Variants in RACGAP1 observed in about 807,000 individuals in gnomAD.
The protein encoded by RACGAP1 is Rac GTPase activating protein 1.
A neutral mutation model predicts 78.1 loss-of-function variants in RACGAP1; 30 were observed. The observed-to-expected ratio is 0.38, with a 90% CI of 0.29 to 0.52. RACGAP1 has a LOEUF of 0.52. Among genes scored for constraint, RACGAP1 ranks in the 20% least tolerant of loss-of-function variants. The pLI, the probability that RACGAP1 is intolerant of heterozygous loss-of-function variation, is 0.82. For synonymous variants in RACGAP1, 231 were observed against 264.8 expected (o/e 0.87, Z 1.24); for missense variants, 587 against 777.1 (o/e 0.76, Z 2.91).
chr12:50,012,158 G>T (rs1353661171), intron 2 of RACGAP1, among the ~76,000 whole-genome samples: 4 of 151,810 alleles, frequency 2.6e-5, no homozygotes, highest in Non-Finnish European at 5.9e-5. Flanking sequence ...TGAGCATGGT[G>T]GTTCACACCT....
chr12:50,018,979 C>T (rs1336583541), intron 1 of RACGAP1, among the ~76,000 whole-genome samples: 2 of 152,024 alleles, frequency 1.3e-5, no homozygotes, highest in African/African-American at 4.8e-5. Context: ...CACTGTTCTA[C>T]TCTTCCTGTT....
chr12:50,006,431 C>T lies in RACGAP1; in HGVS notation c.288+3G>A, dbSNP rs769232149. The stretch of plus-strand genomic sequence containing the variant: ...CTGTTCTAGCACGGAAAACAATACA[C>T]ACCAGCTTTTCGCAGTCAGCCTCAG... On this transcript the variant is annotated splice_donor_region_variant and intron_variant, in intron 3 of 16. Transcript: ENST00000312377. 2.5e-6 allele frequency: 4 copies of T among 1,614,052 alleles called. No individual in the cohort carries two copies. The Admixed American group carries it at 5.0e-5, about 20-fold the overall frequency.
Position 50,016,650 on chromosome 12 carries a change from G to A in RACGAP1, c.66C>T (p.Leu22=). 2 of 1,613,858 alleles carry A rather than the reference G, an allele frequency of 1.2e-6. No homozygotes were observed. The highest frequency in any genetic ancestry group is 1.7e-6 in the Non-Finnish European group (2 of 1,179,964). ...ACTTACGGACTTCATTTCCTTCACT[G>A]AGAATCTCCACCCGGCGCACAAGCT... The part of the protein sequence containing the change: ...FEQLVRRVEI[L]SEGNEVQFIQ... The change falls in exon 2 of 17, where the codon CTC becomes CTT. Residue 22 remains leucine (L), a synonymous_variant. Coordinates refer to ENST00000312377, the MANE Select transcript of RACGAP1 (RefSeq NM_001319999.2).
intron 1 of RACGAP1, among the ~76,000 whole-genome samples, chr12:50,024,719 C>G: frequency 6.6e-6 from 1 of 151,934 alleles, no homozygotes; most frequent in East Asian, 1.9e-4. Context: ...ACAGGAAAGG[C>G]GCCTTCTCTA....
chr12:50,012,561 C>CA (rs1443850579), intron 2 of RACGAP1, among the ~76,000 whole-genome samples: 2 of 148,156 alleles, frequency 1.3e-5, no homozygotes, highest in East Asian at 2.0e-4. Context: ...AACTCCATCT[C>CA]AAAAAAATAA....
chr12:50,009,489 G>A (rs569106669), intron 2 of RACGAP1, among the ~76,000 whole-genome samples: 5 of 151,222 alleles, frequency 3.3e-5, no homozygotes, highest in South Asian at 2.1e-4. Context: ...ATTTACTCCC[G>A]GAGGCCTTTG....
chr12:49,990,660 C>T (rs760223306), intron 16 of RACGAP1, 24 bp downstream of exon 16: 1 of 1,541,562 alleles, frequency 6.5e-7, no homozygotes, highest in South Asian at 1.2e-5. Context: ...TTTTTTATTT[C>T]CTAGGAAGGC....
At chr12:49,991,457 T>TATATATATATATATATATATATATATATA (rs1555169076) in intron 15 of RACGAP1, among the ~76,000 whole-genome samples, 2 of 27,402 alleles carry the variant, frequency 7.3e-5, no homozygotes, top group Non-Finnish European at 1.7e-4. Flanking sequence ...ATTTAAACTA[T>TATATATATATATATATATATATATATATA]TATATATATA....
At chr12:49,997,847 G>A (rs764140339) in intron 9 of RACGAP1, among the ~76,000 whole-genome samples, 14 of 152,028 alleles carry the variant, frequency 9.2e-5, no homozygotes, top group Non-Finnish European at 2.1e-4. Flanking sequence ...CTAAGTGCTG[G>A]GATTACAGGC....
Position 49,990,306 on chromosome 12 carries a change from G to T in RACGAP1, c.1861C>A (p.Arg621=), listed in dbSNP as rs754754375. The T allele has an allele frequency of 3.1e-6, 5 of 1,613,902 alleles. No individual in the cohort carries two copies. Among genetic ancestry groups the T allele is most frequent in the Non-Finnish European group, 4.2e-6 (5 of 1,179,828 alleles). Residue 621 remains arginine, a synonymous_variant, in exon 17 of 17, where the codon CGA becomes AGA. Transcript: ENST00000312377. ...GGAGAAGCAAAAAAGTTGCCTTGTC[G>T]TCCTAGGTTAGTGGCAGACTTGCTT... ...SKSKSATNLG[R]QGNFFASPML... is the part of the protein sequence containing the mutation.
In RACGAP1 at chr12:49,999,147, A is replaced by G; in HGVS notation, c.873T>C (p.Ser291=). The change falls in exon 9 of 17, where the codon TCT becomes TCC. Residue 291 remains serine (S), a synonymous_variant. Transcript: ENST00000312377. ...NGGMRLHDFV[S]KTVIKPESCV... is the part of the protein sequence containing the mutation. ...ACAACAATCACAGATTTACCGTCTT[A>G]GAAACAAAGTCATGCAGGCGCATCC... is the stretch of plus-strand genomic sequence containing the variant. The G allele has an allele frequency of 1.9e-6, 3 of 1,590,180 alleles. No homozygotes were observed. The highest frequency in any genetic ancestry group is 1.7e-6 in the Non-Finnish European group (2 of 1,173,474).
chr12:50,012,787 G>C (rs559073939), intron 2 of RACGAP1, among the ~76,000 whole-genome samples: 185 of 150,382 alleles, frequency 1.2e-3, no homozygotes, highest in African/African-American at 4.4e-3. Context: ...ATGAGGGCCG[G>C]GCGCGGTGGC....
At chr12:49,991,150 T>C (rs60000653) in intron 15 of RACGAP1, among the ~76,000 whole-genome samples, 14,033 of 152,072 alleles carry the variant, frequency 0.092, 754 homozygotes, top group South Asian at 0.15. Context: ...AACCAGCCTA[T>C]TCATATAAAA....
chr12:50,005,648 AGAG>A (rs1292092461), intron 3 of RACGAP1, among the ~76,000 whole-genome samples: 2 of 152,246 alleles, frequency 1.3e-5, no homozygotes, highest in Non-Finnish European at 2.9e-5. Context: ...TGCTAATCCA[AGAG>A]GAGAATAATG....
chr12:49,993,127 C>T (rs2137244492), intron 12 of RACGAP1, among the ~76,000 whole-genome samples: 1 of 152,142 alleles, frequency 6.6e-6, no homozygotes, highest in African/African-American at 2.4e-5. Context: ...AGGCAAGAAG[C>T]TAGAAAGAAA....
chr12:50,001,383 TTCTCTC>T (rs141524970), intron 6 of RACGAP1, 131 bp from the exon 7 acceptor site: 6 of 566,310 alleles, frequency 1.1e-5, no homozygotes, highest in African/African-American at 1.9e-5. Context: ...AAACAATGTG[TTCTCTC>T]TCTCTCTCTC....
chr12:49,993,981 GTTGCAGTGAGCTGAGA>G (rs1234812806), intron 12 of RACGAP1, 134 bp downstream of exon 12: 1 of 719,140 alleles, frequency 1.4e-6, no homozygotes, highest in Non-Finnish European at 2.2e-6. Context: ...GGAGACGGAG[GTTGCAGTGAGCTGAGA>G]TTGCGCCACT....
intron 6 of RACGAP1, among the ~76,000 whole-genome samples, chr12:50,001,491 G>A (rs1948673706): frequency 6.6e-6 from 1 of 152,094 alleles, no homozygotes; most frequent in South Asian, 2.1e-4. Flanking sequence ...AGCAAGCTAT[G>A]GAGAAATTTA....
intron 1 of RACGAP1, among the ~76,000 whole-genome samples, chr12:50,018,787 T>C (rs1409890399): frequency 2.0e-5 from 3 of 152,068 alleles, no homozygotes; most frequent in Non-Finnish European, 4.4e-5. Flanking sequence ...AAAAAGCTTT[T>C]TTAGGGGGGG....
Sources: gnomAD v4.1 joint callset for allele counts (sites outside exome capture counted in the v4.1 genomes callset) on GRCh38, gnomAD v4.1.1 for gene constraint, MANE v1.5 for transcripts, NCBI Gene and HGNC (gene_info 2026-07-23, HGNC 2026-07-21) for gene names.